Variants in SLC66A1 observed in about 807,000 individuals in gnomAD.
SLC66A1 encodes lysosomal amino acid transporter 1 homolog.
Under a neutral mutation model 33.0 loss-of-function variants are expected in SLC66A1, and 23 were observed. The observed-to-expected ratio is 0.70, with a 90% CI of 0.50 to 0.99. SLC66A1 has a LOEUF of 0.99. Ranked by LOEUF, SLC66A1 falls within the 50% of genes least tolerant of loss-of-function variation. SLC66A1 has a pLI of 0.00. For synonymous variants in SLC66A1, 164 were observed against 175.5 expected (o/e 0.93, Z 0.52); for missense variants, 335 against 383.6 (o/e 0.87, Z 1.06).
At chr1:19,316,864 TC>T in intron 1 of SLC66A1, among the ~76,000 whole-genome samples, 4 of 150,714 alleles carry the variant, frequency 2.7e-5, no homozygotes, top group Non-Finnish European at 5.9e-5. Flanking sequence ...TCTTTTTCTT[TC>T]TTTCTTTCTT....
intron 1 of SLC66A1, among the ~76,000 whole-genome samples, chr1:19,315,236 T>C (rs187049724): frequency 1.2e-3 from 182 of 152,222 alleles, no homozygotes; most frequent in African/African-American, 4.2e-3. Flanking sequence ...TAATTTGGAG[T>C]GGCCTTTCAG....
At chr1:19,325,638 T>TGGGGGGCTGTGGGGG in intron 4 of SLC66A1, 56 bp downstream of exon 4, 1 of 825,158 alleles carries the variant, frequency 1.2e-6, no homozygotes, top group Non-Finnish European at 1.9e-6. Flanking sequence ...GGGGCAGTTG[T>TGGGGGGCTGTGGGGG]GGGGGGGGGC....
At chr1:19,314,319 A>G (rs1338008217) in intron 1 of SLC66A1, among the ~76,000 whole-genome samples, 2 of 152,156 alleles carry the variant, frequency 1.3e-5, no homozygotes, top group East Asian at 1.9e-4. Context: ...CAACTCCCCA[A>G]CACGCACGCA....
chr1:19,321,148 A>G (rs1196209552), intron 2 of SLC66A1, among the ~76,000 whole-genome samples: 2 of 146,908 alleles, frequency 1.4e-5, no homozygotes, highest in Admixed American at 1.3e-4. Flanking sequence ...TGCAGATAAC[A>G]AAGATTTATC....
At chr1:19,321,718 C>T (rs1285856924) in intron 2 of SLC66A1, among the ~76,000 whole-genome samples, 3 of 149,874 alleles carry the variant, frequency 2.0e-5, no homozygotes, top group African/African-American at 7.6e-5. Context: ...AAGCATGTGC[C>T]ACCATGCCTG....
At chr1:19,313,116 G>A in intron 1 of SLC66A1, 1 of 806,308 alleles carries the variant, frequency 1.2e-6, no homozygotes, top group Non-Finnish European at 1.5e-6. Flanking sequence ...ATTTAACTCT[G>A]CAGTCAGCCT....
chr1:19,313,699 G>C (rs1021800419), intron 1 of SLC66A1, among the ~76,000 whole-genome samples: 1 of 152,234 alleles, frequency 6.6e-6, no homozygotes, highest in African/African-American at 2.4e-5. Context: ...GACTGAAGAC[G>C]TGGGTCAGGA....
downstream of SLC66A1, among the ~76,000 whole-genome samples, chr1:19,331,257 T>C (rs937348024): frequency 3.3e-5 from 5 of 152,286 alleles, no homozygotes; most frequent in African/African-American, 1.2e-4. Flanking sequence ...GGTGATCTGC[T>C]TGCCTCAGCC....
At position 19,329,240 on chromosome 1, in the gene SLC66A1, G is replaced by A. The variant is rs41302028; in HGVS notation, c.*597G>A. ...CCACTGTACTCCAGCCTGGGTGACA[G>A]AGTGAGACTCCGTCTCAAAAAAATA... On this transcript the variant is annotated 3_prime_UTR_variant, in exon 8 of 8. Coordinates refer to ENST00000375153, the MANE Select transcript of SLC66A1 (RefSeq NM_001040125.2). 0.21 allele frequency: 32,708 copies of A among 152,594 alleles called. 4,122 individuals carry two copies. The highest frequency in any genetic ancestry group is 0.33 in the South Asian group (1,572 of 4,836). The allele number at this position is 152,594 out of a possible 1,614,324, so 9.5% of individuals were successfully genotyped here.
intron 1 of SLC66A1, among the ~76,000 whole-genome samples, chr1:19,314,381 TGAGA>T (rs777250683): frequency 8.6e-5 from 13 of 151,882 alleles, no homozygotes; most frequent in African/African-American, 1.4e-4. Context: ...AAGGGGGAAG[TGAGA>T]GAGAGGCCGC....
intron 6 of SLC66A1, 86 bp downstream of exon 6, chr1:19,326,709 G>A: frequency 7.3e-7 from 1 of 1,367,680 alleles, no homozygotes; most frequent in South Asian, 1.2e-5. Context: ...GAGTAGCACA[G>A]CATAGGAGCC....
chr1:19,317,028 G>A (rs900019627), intron 1 of SLC66A1, among the ~76,000 whole-genome samples: 1 of 150,252 alleles, frequency 6.7e-6, no homozygotes, highest in African/African-American at 2.5e-5. Context: ...CCCAAATTGT[G>A]GGGATTACCG....
chr1:19,329,004 C>CCTA lies in SLC66A1; in HGVS notation c.*362_*364dup. ...GGGTACAGTGGCTCGCACCTGTAATCCTAGCACTTTGGGAGGCCGAAGCGG... is the reference window on the plus strand; with the variant it reads ...GGGTACAGTGGCTCGCACCTGTAATCCTACTAGCACTTTGGGAGGCCGAAGCGG... On this transcript the variant is annotated 3_prime_UTR_variant, in exon 8 of 8. Coordinates refer to ENST00000375153, the MANE Select transcript of SLC66A1 (RefSeq NM_001040125.2). 1 of 288,138 alleles carries CCTA rather than the reference C, an allele frequency of 3.5e-6. No individual in the cohort carries two copies. Among genetic ancestry groups the CCTA allele is most frequent in the Non-Finnish European group, 6.6e-6 (1 of 152,232 alleles). 17.8% of individuals were successfully genotyped at this position (288,138 alleles called of 1,614,324 possible).
intron 2 of SLC66A1, among the ~76,000 whole-genome samples, chr1:19,321,393 T>G (rs2093836831): frequency 6.7e-6 from 1 of 149,204 alleles, no homozygotes; most frequent in South Asian, 2.1e-4. Context: ...TTGTCCAGGC[T>G]GGTCTCAAAC....
chr1:19,314,598 A>C (rs148704910), intron 1 of SLC66A1, among the ~76,000 whole-genome samples: 1 of 152,186 alleles, frequency 6.6e-6, no homozygotes, highest in African/African-American at 2.4e-5. Flanking sequence ...CTTTATGTGC[A>C]TTTAGTCAGG....
chr1:19,327,713 G>A lies in SLC66A1; in HGVS notation c.804+301G>A, dbSNP rs2093876962. The A allele has an allele frequency of 1.4e-5, 8 of 565,894 alleles. No homozygotes were observed. In the East Asian group the frequency reaches 1.6e-4, roughly 11 times the overall value. 35.1% of individuals were successfully genotyped at this position (565,894 alleles called of 1,614,324 possible). Reference sequence around the variant, plus strand: ...GCTATCATCAAAGAATTACTTCATTGCAGTGGCACCAAGTGCTGCAGAGAA... The same window carrying A: ...GCTATCATCAAAGAATTACTTCATTACAGTGGCACCAAGTGCTGCAGAGAA... On this transcript the variant is annotated intron_variant, in intron 7 of 7. Coordinates refer to ENST00000375153, the MANE Select transcript of SLC66A1 (RefSeq NM_001040125.2).
intron 2 of SLC66A1, among the ~76,000 whole-genome samples, chr1:19,322,531 C>G (rs1490051034): frequency 1.3e-5 from 2 of 152,138 alleles, no homozygotes; most frequent in Non-Finnish European, 2.9e-5. Flanking sequence ...TGGGCCTATG[C>G]TAGTCACTCC....
downstream of SLC66A1, among the ~76,000 whole-genome samples, chr1:19,329,479 C>T (rs1029731332): frequency 1.3e-5 from 2 of 152,192 alleles, no homozygotes; most frequent in Non-Finnish European, 2.9e-5. Flanking sequence ...CGGGCCCTTT[C>T]CTGACAGGCC....
At chr1:19,316,351 GTT>G (rs1472241679) in intron 1 of SLC66A1, among the ~76,000 whole-genome samples, 68 of 113,798 alleles carry the variant, frequency 6.0e-4, no homozygotes, top group Non-Finnish European at 9.5e-4. Flanking sequence ...ACTCTTTATG[GTT>G]TGTGTGTGTG....
Sources: allele counts gnomAD v4.1 joint callset (sites outside exome capture counted in the v4.1 genomes callset), GRCh38; gene constraint gnomAD v4.1.1; transcripts MANE v1.5; gene names NCBI Gene and HGNC (gene_info 2026-07-23, HGNC 2026-07-21).